The following GLCE variants were observed in gnomAD, a reference collection of about 807,000 sequenced individuals.
GLCE encodes glucuronic acid epimerase.
Under a neutral mutation model 47.9 loss-of-function variants are expected in GLCE, and 19 were observed. The ratio of observed to expected loss-of-function variants is 0.40; its 90% CI spans 0.28 to 0.58. GLCE has a LOEUF of 0.58. Ranked by LOEUF, GLCE falls within the 20% of genes least tolerant of loss-of-function variation. The pLI, the probability that GLCE is intolerant of heterozygous loss-of-function variation, is 0.48. For synonymous variants in GLCE, 245 were observed against 263.4 expected (o/e 0.93, Z 0.68); for missense variants, 556 against 743.3 (o/e 0.75, Z 2.93).
intron 2 of GLCE, among the ~76,000 whole-genome samples, chr15:69,253,828 A>G (rs1400585744): frequency 6.6e-6 from 1 of 152,224 alleles, no homozygotes; most frequent in Non-Finnish European, 1.5e-5. Context: ...ACTGAAATCA[A>G]ACCCCTTATG....
intron 2 of GLCE, among the ~76,000 whole-genome samples, chr15:69,253,320 C>G (rs1036731689): frequency 2.6e-5 from 4 of 152,348 alleles, no homozygotes. Flanking sequence ...TGCTGGCTCC[C>G]CACCCACTCA....
chr15:69,189,078 G>A lies in GLCE; in HGVS notation c.-104-21238G>A, dbSNP rs373043954. Reference sequence around the variant, plus strand: ...ATTTACATTGGGGTTCACTCTTGATGTTGTACATTCTGTGGGTTTTGACAA... The same window carrying A: ...ATTTACATTGGGGTTCACTCTTGATATTGTACATTCTGTGGGTTTTGACAA... On this transcript the variant is annotated intron_variant, in intron 1 of 4. Transcript: ENST00000261858. Among the ~76,000 whole-genome samples the A allele has an allele frequency of 1.3e-3, 195 of 152,202 alleles. 1 individual carries two copies. The Middle Eastern group carries it at 0.017, about 13-fold the overall frequency.
intron 1 of GLCE, among the ~76,000 whole-genome samples, chr15:69,175,578 T>A: frequency 6.6e-6 from 1 of 152,236 alleles, no homozygotes; most frequent in African/African-American, 2.4e-5. Flanking sequence ...TTGATGAAGT[T>A]AGTTTATAGT....
chr15:69,222,235 A>G (rs544931118), intron 2 of GLCE, among the ~76,000 whole-genome samples: 24 of 152,288 alleles, frequency 1.6e-4, no homozygotes, highest in Non-Finnish European at 3.4e-4. Flanking sequence ...ACAGCATTCC[A>G]TGAGGTATGG....
intron 1 of GLCE, among the ~76,000 whole-genome samples, chr15:69,175,123 A>G (rs2051643680): frequency 6.6e-6 from 1 of 152,192 alleles, no homozygotes; most frequent in Non-Finnish European, 1.5e-5. Context: ...AAGCCTATGC[A>G]GAATTTCCAT....
At chr15:69,166,287 A>G (rs1261909979) in intron 1 of GLCE, among the ~76,000 whole-genome samples, 3 of 152,242 alleles carry the variant, frequency 2.0e-5, no homozygotes, top group Non-Finnish European at 4.4e-5. Flanking sequence ...CTATGACTAC[A>G]TGTAGGTCTG....
intron 2 of GLCE, among the ~76,000 whole-genome samples, chr15:69,215,558 G>A (rs2052295325): frequency 6.6e-6 from 1 of 151,830 alleles, no homozygotes; most frequent in East Asian, 1.9e-4. Context: ...GTGTGTGTGT[G>A]TGTGTCTCTG....
chr15:69,234,198 A>G (rs1017042194), intron 2 of GLCE, among the ~76,000 whole-genome samples: 14 of 151,998 alleles, frequency 9.2e-5, no homozygotes, highest in Non-Finnish European at 1.6e-4. Context: ...GACTGGTCTC[A>G]AACTCCTGAC....
At chr15:69,235,369 A>T (rs948050242) in intron 2 of GLCE, among the ~76,000 whole-genome samples, 14 of 144,192 alleles carry the variant, frequency 9.7e-5, no homozygotes, top group Admixed American at 9.3e-4. Context: ...CAGCCTCCCA[A>T]AGTGCTGGGA....
Position 69,228,008 on chromosome 15 carries a change from T to C in GLCE, c.-14+17602T>C, listed in dbSNP as rs796163989. Among the ~76,000 whole-genome samples, 74 of 152,338 alleles carry C rather than the reference T, an allele frequency of 4.9e-4. 1 individual carries two copies. Among genetic ancestry groups the C allele is most frequent in the African/African-American group, 1.7e-3 (72 of 41,596 alleles). ...TTCAGTTGATCTGCTAATAGATGCA[T>C]TGAAAGCTAGCATTTGACATTTAAG... On this transcript the variant is annotated intron_variant, in intron 2 of 4. Coordinates refer to ENST00000261858, the MANE Select transcript of GLCE (RefSeq NM_015554.3).
chr15:69,226,733 CTTTTTTTTTTTTTTTT>C (rs61212919), intron 2 of GLCE, among the ~76,000 whole-genome samples: 44 of 42,830 alleles, frequency 1.0e-3, no homozygotes, highest in Non-Finnish European at 9.6e-4. Context: ...GCTTGCTTGC[CTTTTTTTTTTTTTTTT>C]TTTTTTTTTT....
chr15:69,176,682 T>C (rs2051671219), intron 1 of GLCE, among the ~76,000 whole-genome samples: 3 of 152,228 alleles, frequency 2.0e-5, no homozygotes, highest in African/African-American at 7.2e-5. Context: ...TAAGTTGTCT[T>C]ATCTTCACGA....
At chr15:69,207,252 T>G (rs566292547) in intron 1 of GLCE, among the ~76,000 whole-genome samples, 2 of 152,240 alleles carry the variant, frequency 1.3e-5, no homozygotes, top group African/African-American at 4.8e-5. Flanking sequence ...GCATCTTTGT[T>G]GATTTTTTAA....
intron 1 of GLCE, among the ~76,000 whole-genome samples, chr15:69,210,066 T>C (rs568557671): frequency 6.6e-6 from 1 of 152,180 alleles, no homozygotes; most frequent in East Asian, 1.9e-4. Context: ...AGCTTTCCAT[T>C]TGGGCTGTAT....
rs374576930 is a variant in GLCE, at chr15:69,268,710, A to G, written c.1320A>G (p.Gly440=). The change falls in exon 5 of 5, where the codon GGA becomes GGG. Residue 440 remains glycine, a synonymous_variant. Transcript: ENST00000261858. ...AAGGGTTCAAGTCTTTAGAGCCAGG[A>G]TGGTATTCTGCCATGGCCCAAGGGC... ...LGEGFKSLEP[G]WYSAMAQGQA... is the part of the protein sequence containing the mutation. 1.5e-4 allele frequency: 236 copies of G among 1,614,086 alleles called. No homozygotes were observed. Among genetic ancestry groups the G allele is most frequent in the Non-Finnish European group, 1.9e-4 (223 of 1,180,040 alleles).
chr15:69,214,052 A>G (rs1270362282), intron 2 of GLCE, among the ~76,000 whole-genome samples: 1 of 151,892 alleles, frequency 6.6e-6, no homozygotes, highest in Non-Finnish European at 1.5e-5. Context: ...TTCTGACTTT[A>G]TGAGATGCTT....
At chr15:69,210,177 G>A (rs896814574) in intron 1 of GLCE, 139 bp from the exon 2 acceptor site, 8 of 152,062 alleles carry the variant, frequency 5.3e-5, no homozygotes, top group Admixed American at 1.3e-4. Context: ...GCCTGCTACT[G>A]TTACTTTTCA....
chr15:69,251,821 G>C (rs2052848635), intron 2 of GLCE, among the ~76,000 whole-genome samples: 1 of 152,142 alleles, frequency 6.6e-6, no homozygotes, highest in Non-Finnish European at 1.5e-5. Context: ...CTTTTAGACT[G>C]ATTCCTGTGT....
At chr15:69,176,840 G>A (rs1204201760) in intron 1 of GLCE, among the ~76,000 whole-genome samples, 1 of 152,150 alleles carries the variant, frequency 6.6e-6, no homozygotes, top group Non-Finnish European at 1.5e-5. Context: ...AATGATTGTA[G>A]TTTCTCAATC....
Sources: allele counts gnomAD v4.1 joint callset (sites outside exome capture counted in the v4.1 genomes callset), GRCh38; gene constraint gnomAD v4.1.1; transcripts MANE v1.5; gene names NCBI Gene and HGNC (gene_info 2026-07-23, HGNC 2026-07-21).